LYPLA1: variants seen among roughly 807,000 people sequenced by gnomAD.
The protein encoded by LYPLA1 is lysophospholipase 1.
In LYPLA1, 17 loss-of-function variants were observed where a neutral mutation model predicts 34.0. The observed-to-expected ratio is 0.50, with a 90% confidence interval of 0.34 to 0.75. The LOEUF is 0.75. LYPLA1 is among the 30% of genes least tolerant of loss of function. The pLI is 0.01. For missense variants in LYPLA1, 203 were observed against 288.8 expected, an observed-to-expected ratio of 0.70 and a Z score of 2.15; for synonymous variants, 98 against 100.8, an observed-to-expected ratio of 0.97 and a Z score of 0.17.
chr8:54,095,386 T>A (rs889324572), intron 2 of LYPLA1, among the ~76,000 whole-genome samples: 13 of 152,152 alleles, frequency 8.5e-5, no homozygotes, highest in Non-Finnish European at 1.8e-4. Context: ...AACAATAGAT[T>A]CTGGCAATAA....
chr8:54,079,124 C>T (rs538805958), intron 2 of LYPLA1, among the ~76,000 whole-genome samples: 19 of 152,088 alleles, frequency 1.2e-4, no homozygotes, highest in Admixed American at 9.2e-4. Context: ...ATACAGGTGC[C>T]CACCACCAAG....
chr8:54,082,959 C>A (rs1043366931), intron 2 of LYPLA1, among the ~76,000 whole-genome samples: 1 of 152,134 alleles, frequency 6.6e-6, no homozygotes, highest in African/African-American at 2.4e-5. Context: ...ATCTCCTGAC[C>A]TCGTGATCCG....
intron 6 of LYPLA1, chr8:54,053,445 T>C (rs1267406137): frequency 2.8e-6 from 1 of 353,460 alleles, no homozygotes; most frequent in African/African-American, 2.1e-5. Flanking sequence ...AATAACTATT[T>C]AGCAGACACC....
chr8:54,097,003 G>T (rs1465881461), intron 2 of LYPLA1, among the ~76,000 whole-genome samples: 1 of 151,406 alleles, frequency 6.6e-6, no homozygotes. Flanking sequence ...AAAATGGAAT[G>T]ACAAAAAAAA....
At chr8:54,074,070 T>C (rs1035813121) in intron 2 of LYPLA1, among the ~76,000 whole-genome samples, 5 of 152,140 alleles carry the variant, frequency 3.3e-5, no homozygotes, top group African/African-American at 9.7e-5. Context: ...GGTCAGGAGA[T>C]TGAGACCATC....
At chr8:54,095,025 A>G (rs1442309473) in intron 2 of LYPLA1, among the ~76,000 whole-genome samples, 1 of 152,060 alleles carries the variant, frequency 6.6e-6, no homozygotes, top group Admixed American at 6.6e-5. Flanking sequence ...ATAAATCCAG[A>G]ATAAAGGAAT....
At chr8:54,085,647 A>C (rs1024182072) in intron 2 of LYPLA1, among the ~76,000 whole-genome samples, 25 of 143,910 alleles carry the variant, frequency 1.7e-4, no homozygotes, top group Non-Finnish European at 3.5e-4. Context: ...CTGGGAACTG[A>C]GGAGTGTCTC....
rs1807026546 is a variant in LYPLA1 at position 54,065,879 on chromosome 8, A to T, written c.102-66T>A. On this transcript the variant is annotated intron_variant, in intron 2 of 8. Transcript: ENST00000316963. ...TTAAATCCCAGTAAGTAAGTAGCAGAAGAGTAGCTTTAAAAAATTGTGAAG... is the reference window on the plus strand; with the variant it reads ...TTAAATCCCAGTAAGTAAGTAGCAGTAGAGTAGCTTTAAAAAATTGTGAAG... 1.0e-5 allele frequency: 10 copies of T among 986,228 alleles called. No individual in the cohort carries two copies. The Admixed American group carries it at 1.9e-4, about 18-fold the overall frequency. 61.1% of individuals were successfully genotyped at this position (986,228 alleles called of 1,614,324 possible).
intron 1 of LYPLA1, 151 bp downstream of exon 1, chr8:54,101,604 C>A (rs1415926006): frequency 1.7e-6 from 2 of 1,149,492 alleles, no homozygotes; most frequent in Non-Finnish European, 2.1e-6. Context: ...CCCGCGGACC[C>A]GGCCGCGCGG....
intron 2 of LYPLA1, among the ~76,000 whole-genome samples, chr8:54,070,685 T>C (rs1188930018): frequency 6.6e-6 from 1 of 152,132 alleles, no homozygotes; most frequent in Non-Finnish European, 1.5e-5. Flanking sequence ...ATCACACCAC[T>C]GTACTCCAGC....
chr8:54,043,027 A>T (rs1323272752), downstream of LYPLA1: 2 of 152,166 alleles, frequency 1.3e-5, no homozygotes, highest in East Asian at 3.9e-4. Flanking sequence ...GTCCACTTTC[A>T]TTCAACATTT....
At chr8:54,096,033 G>A (rs187216750) in intron 2 of LYPLA1, among the ~76,000 whole-genome samples, 9 of 152,312 alleles carry the variant, frequency 5.9e-5, no homozygotes, top group South Asian at 2.1e-4. Context: ...GGATTAGACC[G>A]TAGTATACCA....
chr8:54,081,795 T>C (rs1361479539), intron 2 of LYPLA1, among the ~76,000 whole-genome samples: 2 of 151,252 alleles, frequency 1.3e-5, no homozygotes, highest in Non-Finnish European at 2.9e-5. Flanking sequence ...AATGGTGCGA[T>C]CTTGGCTCAC....
At chr8:54,085,814 G>C (rs1477640622) in intron 2 of LYPLA1, among the ~76,000 whole-genome samples, 1 of 142,786 alleles carries the variant, frequency 7.0e-6, no homozygotes, top group Admixed American at 6.8e-5. Flanking sequence ...AGGTGGGGGG[G>C]GGGCAGCCCC....
chr8:54,085,628 C>T (rs1209952670), intron 2 of LYPLA1, among the ~76,000 whole-genome samples: 9 of 151,354 alleles, frequency 5.9e-5, no homozygotes, highest in African/African-American at 4.9e-5. Context: ...TGCCTGGCCG[C>T]GACCCCGTCT....
At chr8:54,095,916 T>G (rs1809647621) in intron 2 of LYPLA1, among the ~76,000 whole-genome samples, 1 of 152,168 alleles carries the variant, frequency 6.6e-6, no homozygotes, top group African/African-American at 2.4e-5. Context: ...AAGGACTGTT[T>G]CAGAATAAAG....
chr8:54,062,342 A>T lies in LYPLA1; in HGVS notation c.216-18T>A. 6.5e-7 allele frequency: 1 copy of T among 1,536,208 alleles called. No homozygotes were observed. The highest frequency in any genetic ancestry group is 8.9e-7 in the Non-Finnish European group (1 of 1,124,290). The stretch of plus-strand genomic sequence containing the variant: ...TATCAAACCTGTAAAATAAGGCAAA[A>T]TCTTTTGATTCTAAGAAAAATCTAT... On this transcript the variant is annotated intron_variant, in intron 4 of 8. Transcript: ENST00000316963.
chr8:54,060,293 T>C (rs1806504480), intron 5 of LYPLA1, among the ~76,000 whole-genome samples: 1 of 151,914 alleles, frequency 6.6e-6, no homozygotes, highest in Non-Finnish European at 1.5e-5. Context: ...GCCCGGCTAA[T>C]TTTGTATTTA....
intron 8 of LYPLA1, among the ~76,000 whole-genome samples, chr8:54,050,519 T>C (rs901272995): frequency 2.0e-5 from 3 of 152,206 alleles, no homozygotes; most frequent in Admixed American, 2.0e-4. Flanking sequence ...TAAGACTGAA[T>C]GGCTTGCTTT....
Sources: allele counts gnomAD v4.1 joint callset (sites outside exome capture counted in the v4.1 genomes callset), GRCh38; gene constraint gnomAD v4.1.1; transcripts MANE v1.5; gene names NCBI Gene and HGNC (gene_info 2026-07-23, HGNC 2026-07-21).